Variants in RARB observed in about 807,000 individuals in gnomAD.
RARB encodes retinoic acid receptor beta.
Under a neutral mutation model 51.9 loss-of-function variants are expected in RARB, and 17 were observed. The observed-to-expected ratio is 0.33, with a 90% confidence interval of 0.22 to 0.49. The LOEUF is 0.49. Among genes scored for constraint, RARB ranks in the 20% least tolerant of loss-of-function variants. The pLI, the probability that RARB is intolerant of heterozygous loss-of-function variation, is 0.99. For synonymous variants in RARB, 215 were observed against 195.4 expected (o/e 1.10, Z -0.84); for missense variants, 369 against 550.8 (o/e 0.67, Z 3.30).
At chr3:25,297,623 T>C (rs1327880337) in intron 5 of RARB, among the ~76,000 whole-genome samples, 1 of 152,098 alleles carries the variant, frequency 6.6e-6, no homozygotes, top group East Asian at 1.9e-4. Context: ...AAAGCAGATC[T>C]TCGTGGGGAT....
chr3:25,367,266 C>A (rs1706150373), intron 5 of RARB, among the ~76,000 whole-genome samples: 2 of 152,126 alleles, frequency 1.3e-5, no homozygotes, highest in African/African-American at 4.8e-5. Context: ...AGCATTTGAG[C>A]AATCTCCTCT....
At chr3:25,574,973 AGTT>A (rs1173297248) in intron 4 of RARB, among the ~76,000 whole-genome samples, 1 of 152,146 alleles carries the variant, frequency 6.6e-6, no homozygotes, top group Non-Finnish European at 1.5e-5. Context: ...ACTTTGAGCC[AGTT>A]GTTAACTTAG....
chr3:25,420,014 AT>A (rs1707814653), intron 5 of RARB, among the ~76,000 whole-genome samples: 1 of 152,190 alleles, frequency 6.6e-6, no homozygotes, highest in Admixed American at 6.5e-5. Context: ...AGGTGGGTTT[AT>A]ACCCTGATGT....
Position 25,596,862 on chromosome 3 carries a change from C to T in RARB, c.*246C>T, listed in dbSNP as rs901315445. On this transcript the variant is annotated 3_prime_UTR_variant, in exon 8 of 8. Coordinates refer to ENST00000330688, the MANE Select transcript of RARB (RefSeq NM_000965.5). ...GCAACCAGAAACTAGTTAAAAGCTTCTATTTTCCTCTTTGAACACTCAAGA... is the reference window on the plus strand; with the variant it reads ...GCAACCAGAAACTAGTTAAAAGCTTTTATTTTCCTCTTTGAACACTCAAGA... 1.1e-5 allele frequency: 4 copies of T among 352,018 alleles called. No individual in the cohort carries two copies. The highest frequency in any genetic ancestry group is 2.1e-5 in the African/African-American group (1 of 48,354). 21.8% of individuals were successfully genotyped at this position (352,018 alleles called of 1,614,324 possible).
intron 2 of RARB, among the ~76,000 whole-genome samples, chr3:25,043,266 T>C (rs1297007022): frequency 1.3e-5 from 2 of 152,224 alleles, no homozygotes; most frequent in African/African-American, 4.8e-5. Flanking sequence ...TTCTATGACA[T>C]AATTATTTAG....
chr3:25,343,456 C>CTTT (rs141171552), intron 5 of RARB, among the ~76,000 whole-genome samples: 40 of 146,604 alleles, frequency 2.7e-4, no homozygotes, highest in African/African-American at 5.0e-4. Context: ...TCATTTCTGG[C>CTTT]TTTTTTTTTT....
chr3:25,075,247 AT>A (rs1159742180), intron 3 of RARB, among the ~76,000 whole-genome samples: 17 of 151,978 alleles, frequency 1.1e-4, no homozygotes, highest in Admixed American at 9.8e-4. Flanking sequence ...TGCTAAGCTT[AT>A]TTTTCCATGC....
chr3:24,976,778 G>A (rs1351452024), intron 2 of RARB, among the ~76,000 whole-genome samples: 2 of 152,120 alleles, frequency 1.3e-5, no homozygotes, highest in African/African-American at 4.8e-5. Flanking sequence ...GATCCCATTT[G>A]TCAATTTTGG....
chr3:25,286,899 G>T (rs1458439411), intron 5 of RARB, among the ~76,000 whole-genome samples: 1 of 152,136 alleles, frequency 6.6e-6, no homozygotes, highest in East Asian at 1.9e-4. Context: ...TTTACTTCAA[G>T]ATATCTATTT....
At chr3:25,179,132 C>G (rs576198816) in intron 5 of RARB, among the ~76,000 whole-genome samples, 1 of 152,232 alleles carries the variant, frequency 6.6e-6, no homozygotes, top group African/African-American at 2.4e-5. Flanking sequence ...GAGAGACAGG[C>G]TGTGCAATCT....
intron 4 of RARB, among the ~76,000 whole-genome samples, chr3:25,143,134 T>C (rs1258698753): frequency 2.6e-5 from 4 of 152,072 alleles, no homozygotes; most frequent in Non-Finnish European, 4.4e-5. Context: ...ATTTGCTCTT[T>C]TTGCCATTCA....
At chr3:25,504,902 C>T (rs760172159) in intron 3 of RARB, among the ~76,000 whole-genome samples, 20 of 151,242 alleles carry the variant, frequency 1.3e-4, no homozygotes, top group Admixed American at 8.6e-4. Context: ...GCATTATAGG[C>T]GCCTGCCACC....
intron 2 of RARB, among the ~76,000 whole-genome samples, chr3:25,490,934 G>C (rs11916491): frequency 3.3e-5 from 5 of 151,916 alleles, no homozygotes; most frequent in Non-Finnish European, 5.9e-5. Context: ...CATTTTAGAG[G>C]CTTCGTTTCC....
At chr3:25,301,994 C>T (rs758682992) in intron 5 of RARB, among the ~76,000 whole-genome samples, 8 of 152,158 alleles carry the variant, frequency 5.3e-5, no homozygotes, top group Non-Finnish European at 1.2e-4. Flanking sequence ...GAGAAACTAA[C>T]AGCAAAACCA....
intron 1 of RARB, among the ~76,000 whole-genome samples, chr3:24,851,363 G>A (rs1354489534): frequency 6.6e-6 from 1 of 151,858 alleles, no homozygotes; most frequent in Non-Finnish European, 1.5e-5. Context: ...GGGAAGTCAA[G>A]GCTGCAGTGA....
intron 5 of RARB, among the ~76,000 whole-genome samples, chr3:25,344,142 A>G (rs1705317369): frequency 6.6e-6 from 1 of 152,174 alleles, no homozygotes; most frequent in Non-Finnish European, 1.5e-5. Context: ...CTCAGGGGTG[A>G]TGGGGCATAT....
chr3:24,896,299 A>T (rs150757814), intron 2 of RARB, among the ~76,000 whole-genome samples: 138 of 152,120 alleles, frequency 9.1e-4, no homozygotes, highest in African/African-American at 2.8e-3. Context: ...TTGCTCTGTC[A>T]CCCAGGCTGG....
intron 2 of RARB, among the ~76,000 whole-genome samples, chr3:24,886,472 T>C (rs914388374): frequency 6.7e-6 from 1 of 149,144 alleles, no homozygotes; most frequent in Non-Finnish European, 1.5e-5. Flanking sequence ...TGAGACAGGA[T>C]CTTGCTCTAT....
intron 5 of RARB, among the ~76,000 whole-genome samples, chr3:25,317,040 G>A (rs1704444747): frequency 1.3e-5 from 1 of 79,996 alleles, no homozygotes; most frequent in Non-Finnish European, 2.8e-5. Context: ...TTGACTGAGG[G>A]AAATCTTATA....
Sources: gnomAD v4.1 joint callset for allele counts (sites outside exome capture counted in the v4.1 genomes callset) on GRCh38, gnomAD v4.1.1 for gene constraint, MANE v1.5 for transcripts, NCBI Gene and HGNC (gene_info 2026-07-23, HGNC 2026-07-21) for gene names.